XRRA1: variants seen among roughly 807,000 people sequenced by gnomAD.
The protein encoded by XRRA1 is X-ray radiation resistance-associated protein 1.
XRRA1 carries 69 observed loss-of-function variants against 80.2 expected under a neutral mutation model. That is an observed-to-expected ratio of 0.86 (90% CI 0.71 to 1.05). The LOEUF (loss-of-function observed/expected upper bound fraction) is 1.05. XRRA1 is among the 50% of genes least tolerant of loss of function. The pLI is 0.00. For missense variants in XRRA1, 967 were observed against 976.4 expected (o/e 0.99, Z 0.13); for synonymous variants, 348 against 389.9 (o/e 0.89, Z 1.27).
chr11:74,871,540 A>G (rs183282068), intron 10 of XRRA1, among the ~76,000 whole-genome samples: 1 of 152,218 alleles, frequency 6.6e-6, no homozygotes, highest in Non-Finnish European at 1.5e-5. Context: ...TTTAGCAGTC[A>G]TATCAGGCAA....
At chr11:74,932,446 C>T (rs1473296505) in intron 5 of XRRA1, among the ~76,000 whole-genome samples, 1 of 152,058 alleles carries the variant, frequency 6.6e-6, no homozygotes, top group Non-Finnish European at 1.5e-5. Flanking sequence ...TAAGCCCAGC[C>T]TCCTCCCTCT....
intron 10 of XRRA1, among the ~76,000 whole-genome samples, chr11:74,867,998 T>C (rs1295230878): frequency 6.7e-6 from 1 of 149,576 alleles, no homozygotes; most frequent in African/African-American, 2.5e-5. Context: ...CTTGGTTCAC[T>C]GCAACCTCCG....
intron 16 of XRRA1, among the ~76,000 whole-genome samples, chr11:74,844,559 T>C (rs1023058472): frequency 2.6e-5 from 4 of 152,176 alleles, no homozygotes; most frequent in Non-Finnish European, 4.4e-5. Flanking sequence ...CTGGCTCCAA[T>C]GTGACCCCAT....
intron 10 of XRRA1, among the ~76,000 whole-genome samples, chr11:74,866,300 T>A (rs575081240): frequency 2.4e-4 from 37 of 152,256 alleles, no homozygotes; most frequent in African/African-American, 8.7e-4. Context: ...GTCACCCAGG[T>A]TGGAGTACAG....
intron 6 of XRRA1, among the ~76,000 whole-genome samples, chr11:74,929,814 G>A (rs1348858957): frequency 6.6e-6 from 1 of 152,094 alleles, no homozygotes; most frequent in East Asian, 1.9e-4. Context: ...CCCTCATCCT[G>A]ACCTAACTAT....
chr11:74,942,838 T>C (rs1946597889), intron 2 of XRRA1, among the ~76,000 whole-genome samples: 1 of 152,188 alleles, frequency 6.6e-6, no homozygotes, highest in African/African-American at 2.4e-5. Context: ...ACTATGCTAT[T>C]AACAGGATGA....
intron 6 of XRRA1, among the ~76,000 whole-genome samples, chr11:74,928,428 C>T (rs551133460): frequency 7.6e-4 from 116 of 152,296 alleles, no homozygotes; most frequent in African/African-American, 2.7e-3. Flanking sequence ...TATGCCTATA[C>T]GTGTTACAAT....
At chr11:74,875,753 C>T (rs2045907849) in intron 10 of XRRA1, among the ~76,000 whole-genome samples, 1 of 152,142 alleles carries the variant, frequency 6.6e-6, no homozygotes, top group South Asian at 2.1e-4. Context: ...CGCCTGTAAT[C>T]CCGGTTACTT....
At chr11:74,864,265 A>C (rs2042920012) in intron 10 of XRRA1, among the ~76,000 whole-genome samples, 1 of 152,228 alleles carries the variant, frequency 6.6e-6, no homozygotes, top group Non-Finnish European at 1.5e-5. Flanking sequence ...TAACTCATAC[A>C]TGTGCTGGAT....
At chr11:74,897,426 A>G (rs1353820718) in intron 10 of XRRA1, among the ~76,000 whole-genome samples, 1 of 152,162 alleles carries the variant, frequency 6.6e-6, no homozygotes, top group African/African-American at 2.4e-5. Flanking sequence ...AGAACATGAG[A>G]TAGGGATAGA....
intron 6 of XRRA1, among the ~76,000 whole-genome samples, chr11:74,929,316 C>T (rs537798164): frequency 8.5e-5 from 13 of 152,096 alleles, no homozygotes; most frequent in Non-Finnish European, 1.9e-4. Context: ...CAATCCTCTG[C>T]ACCCTTCTTG....
In XRRA1 at chr11:74,840,948, A is replaced by C. The variant is rs1591441806; in HGVS notation, c.*2252T>G. The stretch of plus-strand genomic sequence containing the variant: ...CCCAAATGATTTAGGAGGTTATTTT[A>C]TTTTAATAGTTTTTTCTTCCTGATT... On this transcript the variant is annotated 3_prime_UTR_variant, in exon 19 of 19. Coordinates refer to ENST00000684022, the MANE Select transcript of XRRA1 (RefSeq NM_001378157.1). 1.3e-5 allele frequency: 2 copies of C among 152,032 alleles called. No homozygotes were observed. Among genetic ancestry groups the C allele is most frequent in the African/African-American group, 4.8e-5 (2 of 41,382 alleles). 9.4% of individuals were successfully genotyped at this position (152,032 alleles called of 1,614,324 possible).
intron 10 of XRRA1, among the ~76,000 whole-genome samples, chr11:74,890,411 G>A (rs1306848711): frequency 6.6e-6 from 1 of 152,166 alleles, no homozygotes; most frequent in African/African-American, 2.4e-5. Flanking sequence ...AGTGTGTAGA[G>A]GGAAATTTAT....
At chr11:74,864,876 C>A (rs914528157) in intron 10 of XRRA1, among the ~76,000 whole-genome samples, 9 of 152,248 alleles carry the variant, frequency 5.9e-5, no homozygotes, top group Non-Finnish European at 1.3e-4. Context: ...ACAGCAAATT[C>A]TGAGGGGACC....
At chr11:74,921,441 T>A (rs1192197995) in intron 7 of XRRA1, 94 bp from the exon 8 acceptor site, 8 of 1,513,650 alleles carry the variant, frequency 5.3e-6, no homozygotes, top group Non-Finnish European at 6.3e-6. Flanking sequence ...GAGTGCCCCA[T>A]CGCCCACAGG....
chr11:74,889,649 C>G (rs952709509), intron 10 of XRRA1, among the ~76,000 whole-genome samples: 1 of 152,122 alleles, frequency 6.6e-6, no homozygotes, highest in African/African-American at 2.4e-5. Context: ...GTGCTGTGTT[C>G]AGGAAATCCA....
chr11:74,864,561 G>T (rs2042988855), intron 10 of XRRA1, among the ~76,000 whole-genome samples: 1 of 152,192 alleles, frequency 6.6e-6, no homozygotes, highest in African/African-American at 2.4e-5. Context: ...TTGCTCCCCA[G>T]TTCAAGCCTA....
chr11:74,936,799 T>C (rs1273987378), intron 4 of XRRA1, 85 bp downstream of exon 4: 1 of 1,448,298 alleles, frequency 6.9e-7, no homozygotes, highest in African/African-American at 1.4e-5. Flanking sequence ...TTGGGGGTAG[T>C]TGTGCCAGAG....
In XRRA1 at chr11:74,863,962, C is replaced by CGG. The variant is rs1411006587; in HGVS notation, c.1004-942_1004-941insCC. The CGG allele has an allele frequency of 1.8e-4, 28 of 152,134 alleles. 1 individual carries two copies. The highest frequency in any genetic ancestry group is 4.4e-5 in the Non-Finnish European group (3 of 68,038). 9.4% of individuals were successfully genotyped at this position (152,134 alleles called of 1,614,324 possible). A position where few individuals can be genotyped will look rare whatever the true frequency, so the allele number is the denominator to read the frequency against. On this transcript the variant is annotated intron_variant, in intron 10 of 18. Transcript: ENST00000684022. The stretch of plus-strand genomic sequence containing the variant: ...AAGATGGGCACGCTGTCTGAACGCG[C>CGG]ATCCTGCTCTCCCCACAATCACAGG...
Sources: allele counts gnomAD v4.1 joint callset (sites outside exome capture counted in the v4.1 genomes callset), GRCh38; gene constraint gnomAD v4.1.1; transcripts MANE v1.5; gene names NCBI Gene and HGNC (gene_info 2026-07-23, HGNC 2026-07-21).